MTCL1: variants seen among roughly 807,000 people sequenced by gnomAD.
The protein encoded by MTCL1 is microtubule crosslinking factor 1.
Under a neutral mutation model 141.4 loss-of-function variants are expected in MTCL1, and 79 were observed. The observed-to-expected ratio is 0.56, with a 90% CI of 0.47 to 0.67. The LOEUF (loss-of-function observed/expected upper bound fraction) is 0.67, where lower values mean the gene tolerates loss of function less well. Ranked by LOEUF, MTCL1 falls within the 30% of genes least tolerant of loss-of-function variation. The pLI, the probability that MTCL1 is intolerant of heterozygous loss-of-function variation, is 0.00. For missense variants in MTCL1, 2,177 were observed against 2,113.9 expected, an observed-to-expected ratio of 1.03 and a Z score of -0.59; for synonymous variants, 914 against 875.8, an observed-to-expected ratio of 1.04 and a Z score of -0.77.
intron 4 of MTCL1, among the ~76,000 whole-genome samples, chr18:8,774,620 T>C (rs2096498102): frequency 6.6e-6 from 1 of 152,204 alleles, no homozygotes; most frequent in Non-Finnish European, 1.5e-5. Context: ...CCTGAGTAGC[T>C]GGGATTACAG....
intron 10 of MTCL1, among the ~76,000 whole-genome samples, chr18:8,802,456 C>A (rs1228463060): frequency 6.6e-6 from 1 of 152,182 alleles, no homozygotes; most frequent in Non-Finnish European, 1.5e-5. Context: ...TGTGATTTCA[C>A]CTGCTGAAAT....
At chr18:8,708,008 A>G (rs554603882) in intron 1 of MTCL1, among the ~76,000 whole-genome samples, 1 of 152,330 alleles carries the variant, frequency 6.6e-6, no homozygotes, top group South Asian at 2.1e-4. Context: ...TTAAAGCAAG[A>G]TATTTCAGAT....
At chr18:8,825,203 A>G in exon 15 of MTCL1, 4 of 1,590,102 alleles carry the variant, frequency 2.5e-6, no homozygotes, top group Middle Eastern at 1.7e-4. Flanking sequence ...GAGGCCCTCC[A>G]GAACCCATGC....
exon 1 of MTCL1, chr18:8,706,356 C>T: frequency 8.1e-7 from 1 of 1,230,508 alleles, no homozygotes; most frequent in Non-Finnish European, 1.0e-6. Context: ...CCGCCAGCAG[C>T]GACGCCGAAT....
At chr18:8,718,498 G>A (rs778065753) in exon 3 of MTCL1, 2 of 1,614,114 alleles carry the variant, frequency 1.2e-6, no homozygotes, top group East Asian at 4.5e-5. Flanking sequence ...TTTACCAGCT[G>A]CAGGAACTTC....
intron 12 of MTCL1, among the ~76,000 whole-genome samples, chr18:8,817,049 A>G (rs969664424): frequency 9.2e-5 from 14 of 152,102 alleles, no homozygotes; most frequent in Admixed American, 6.5e-4. Context: ...TTGAAATCCT[A>G]CTTTACTGAG....
At chr18:8,747,731 A>G (rs80011082) in intron 4 of MTCL1, among the ~76,000 whole-genome samples, 4,050 of 152,282 alleles carry the variant, frequency 0.027, 155 homozygotes, top group East Asian at 0.11. Flanking sequence ...ATACAGGAAA[A>G]CAGAGAAGCT....
At chr18:8,815,187 G>T (rs2076610987) in intron 12 of MTCL1, among the ~76,000 whole-genome samples, 1 of 152,118 alleles carries the variant, frequency 6.6e-6, no homozygotes, top group African/African-American at 2.4e-5. Context: ...GTTTATTGCG[G>T]CAGTATTCAC....
chr18:8,765,945 A>T (rs1412680201), intron 4 of MTCL1, among the ~76,000 whole-genome samples: 1 of 152,188 alleles, frequency 6.6e-6, no homozygotes, highest in East Asian at 1.9e-4. Context: ...CTGATTGCAC[A>T]AATGGATCTA....
chr18:8,783,607 G>A (rs1331149238), exon 6 of MTCL1: 2 of 1,613,596 alleles, frequency 1.2e-6, no homozygotes, highest in African/African-American at 2.7e-5. Flanking sequence ...AGATGGCCAA[G>A]CTAGGAAGGG....
chr18:8,735,606 C>T (rs1202186478), intron 4 of MTCL1, among the ~76,000 whole-genome samples: 1 of 152,142 alleles, frequency 6.6e-6, no homozygotes. Context: ...GGCAGGCTTA[C>T]TCTGTGCATT....
intron 1 of MTCL1, among the ~76,000 whole-genome samples, chr18:8,709,243 A>G (rs1436607521): frequency 6.6e-6 from 1 of 151,746 alleles, no homozygotes; most frequent in Non-Finnish European, 1.5e-5. Flanking sequence ...CCCAGGCTGG[A>G]GTGCAGTGGC....
At chr18:8,786,113 C>CCCT in intron 7 of MTCL1, 22 bp downstream of exon 6, 1 of 1,383,504 alleles carries the variant, frequency 7.2e-7, no homozygotes, top group Non-Finnish European at 9.5e-7. Flanking sequence ...CAAGCAATCC[C>CCCT]CCCCCCCCGC....
chr18:8,763,470 C>T (rs548090831), intron 4 of MTCL1, among the ~76,000 whole-genome samples: 2 of 152,356 alleles, frequency 1.3e-5, no homozygotes, highest in South Asian at 2.1e-4. Context: ...GCTCAGGCCA[C>T]CACCAAGGCA....
chr18:8,749,169 A>G (rs1567974812), intron 4 of MTCL1, among the ~76,000 whole-genome samples: 1 of 152,250 alleles, frequency 6.6e-6, no homozygotes, highest in Non-Finnish European at 1.5e-5. Context: ...CTTATGCAGC[A>G]TCTGCAAGCT....
intron 4 of MTCL1, among the ~76,000 whole-genome samples, chr18:8,756,523 A>G (rs1027104365): frequency 1.3e-5 from 2 of 150,428 alleles, no homozygotes; most frequent in Admixed American, 1.3e-4. Flanking sequence ...ATGTGTGTAT[A>G]TATGTGTGTG....
rs755071183 is a variant in MTCL1 at position 8,819,280 on chromosome 18, C to T, written c.3156+21C>T. The T allele has an allele frequency of 9.3e-6, 15 of 1,610,724 alleles. No homozygotes were observed. In the South Asian group the frequency reaches 1.7e-4, roughly 18 times the overall value. On this transcript the variant is annotated intron_variant, in intron 13 of 16. Transcript: ENST00000359865. ...CTGAGGTCAGCCAGGTTTTGTCCAT[C>T]CTAGTTAACCACTGTGGAATGAGGG...
intron 4 of MTCL1, among the ~76,000 whole-genome samples, chr18:8,729,946 G>A (rs963988458): frequency 1.2e-4 from 19 of 152,096 alleles, no homozygotes; most frequent in African/African-American, 4.1e-4. Flanking sequence ...GCACATGTAT[G>A]TCTGTGATCC....
At chr18:8,825,863 C>A (rs1178451441) in exon 15 of MTCL1, 2 of 1,614,080 alleles carry the variant, frequency 1.2e-6, no homozygotes, top group Non-Finnish European at 1.7e-6. Flanking sequence ...ACATCATTGA[C>A]CACAGCCCCG....
Sources: allele counts gnomAD v4.1 joint callset (sites outside exome capture counted in the v4.1 genomes callset), GRCh38; gene constraint gnomAD v4.1.1; transcripts MANE v1.5; gene names NCBI Gene and HGNC (gene_info 2026-07-23, HGNC 2026-07-21).